The following PLD1 variants were observed in gnomAD, a reference collection of about 807,000 sequenced individuals.
PLD1 encodes phospholipase D1.
In PLD1, 112 loss-of-function variants were observed where a neutral mutation model predicts 137.1. The observed-to-expected ratio is 0.82, with a 90% confidence interval of 0.70 to 0.96. The LOEUF is 0.96. Among genes scored for constraint, PLD1 ranks in the 40% least tolerant of loss-of-function variants. The pLI, the probability that PLD1 is intolerant of heterozygous loss-of-function variation, is 0.00. For missense variants in PLD1, 1,321 were observed against 1,342.0 expected, an observed-to-expected ratio of 0.98 and a Z score of 0.24; for synonymous variants, 431 against 454.7, an observed-to-expected ratio of 0.95 and a Z score of 0.66.
intron 23 of PLD1, among the ~76,000 whole-genome samples, chr3:171,639,844 C>CTATATATATATATA (rs1365797079): frequency 8.8e-6 from 1 of 113,498 alleles, no homozygotes; most frequent in African/African-American, 4.0e-5. Context: ...CTCTCTCTCT[C>CTATATATATATATA]TCTCTATATA....
At chr3:171,683,550 C>A (rs1714228233) in intron 16 of PLD1, among the ~76,000 whole-genome samples, 1 of 151,184 alleles carries the variant, frequency 6.6e-6, no homozygotes, top group Non-Finnish European at 1.5e-5. Context: ...AGTTTCTTAT[C>A]CTCATTCTTC....
intron 1 of PLD1, among the ~76,000 whole-genome samples, chr3:171,744,223 G>A (rs966365452): frequency 2.0e-5 from 3 of 152,196 alleles, no homozygotes; most frequent in African/African-American, 7.2e-5. Flanking sequence ...CAGTCTGACA[G>A]AGGTGAAGAG....
intron 1 of PLD1, among the ~76,000 whole-genome samples, chr3:171,795,440 C>G (rs1723396536): frequency 6.6e-6 from 1 of 152,188 alleles, no homozygotes; most frequent in Non-Finnish European, 1.5e-5. Flanking sequence ...AGCAATGATG[C>G]TCCAATATTG....
rs2108238871 is a variant in PLD1 at position 171,600,718 on chromosome 3, T to C, written c.*2360A>G. On this transcript the variant is annotated 3_prime_UTR_variant, in exon 27 of 27. Transcript: ENST00000351298. ...GAATTTTCCATAAAATCCCTCCAAG[T>C]AAATCTTATCACCCCTTTGCAGATG... is the stretch of plus-strand genomic sequence containing the variant. 6.6e-6 allele frequency: 1 copy of C among 150,792 alleles called. No individual in the cohort carries two copies. Among genetic ancestry groups the C allele is most frequent in the Admixed American group, 6.6e-5 (1 of 15,182 alleles). The allele number at this position is 150,792 out of a possible 1,614,324, so 9.3% of individuals were successfully genotyped here.
chr3:171,608,681 C>T (rs1041773838), intron 25 of PLD1, among the ~76,000 whole-genome samples: 2 of 152,098 alleles, frequency 1.3e-5, no homozygotes, highest in Non-Finnish European at 2.9e-5. Context: ...AGTCCTACTA[C>T]GTATCGTAAG....
chr3:171,662,007 T>G (rs1003169076), intron 20 of PLD1, 53 bp downstream of exon 20: 2 of 976,848 alleles, frequency 2.0e-6, no homozygotes, highest in African/African-American at 3.2e-5. Context: ...AATCTCTGCA[T>G]GATATTTAAG....
At chr3:171,710,240 T>G (rs1264784085) in intron 9 of PLD1, among the ~76,000 whole-genome samples, 2 of 152,038 alleles carry the variant, frequency 1.3e-5, no homozygotes, top group Non-Finnish European at 2.9e-5. Context: ...TTTTTGTATT[T>G]TTAGTAGAGA....
rs199659383 is a variant in PLD1, at chr3:171,737,515, T to C, written c.288+17A>G. The C allele has an allele frequency of 8.2e-6, 13 of 1,594,306 alleles. No individual in the cohort carries two copies. The East Asian group carries it at 1.6e-4, about 19-fold the overall frequency. On this transcript the variant is annotated intron_variant, in intron 3 of 26. Transcript: ENST00000351298. ...TATTGACAAAAGAAAAAAGGGTGAG[T>C]CCATAAACGCTCTGACCCTTGTTGT...
chr3:171,726,021 C>T lies in PLD1; in HGVS notation c.662G>A (p.Gly221Asp). The stretch of plus-strand genomic sequence containing the variant: ...TTTAAGGTTTATTGCAACTTACATG[C>T]CCTTTGGTCCCAAATCATGGATGAA... ...LSFIHDLGPK[G>D]IEGMIMKRSG... is the part of the protein sequence containing the mutation. The change falls in exon 7 of 27, where the codon GGC (glycine) becomes GAC (aspartate). Residue 221 changes from glycine (G) to aspartate (D), a missense_variant. Transcript: ENST00000351298. The T allele has an allele frequency of 6.2e-7, 1 of 1,605,712 alleles. No homozygotes were observed. Among genetic ancestry groups the T allele is most frequent in the Non-Finnish European group, 8.5e-7 (1 of 1,172,450 alleles).
At chr3:171,624,587 AC>A (rs1215357864) in intron 23 of PLD1, among the ~76,000 whole-genome samples, 2 of 152,084 alleles carry the variant, frequency 1.3e-5, no homozygotes, top group African/African-American at 4.8e-5. Flanking sequence ...ATACACAGTT[AC>A]CCATTGTATG....
At chr3:171,700,315 AACAC>A (rs573424146) in intron 11 of PLD1, among the ~76,000 whole-genome samples, 6 of 126,866 alleles carry the variant, frequency 4.7e-5, no homozygotes, top group African/African-American at 8.5e-5. Context: ...CACACACACA[AACAC>A]ACACACACAC....
chr3:171,716,702 C>G (rs6792460), intron 8 of PLD1, among the ~76,000 whole-genome samples: 4,372 of 152,224 alleles, frequency 0.029, 157 homozygotes, highest in African/African-American at 0.084. Flanking sequence ...TGTCTGTCTA[C>G]TCTGTTGATA....
chr3:171,666,823 A>T (rs1375412080), intron 19 of PLD1, among the ~76,000 whole-genome samples: 2 of 152,220 alleles, frequency 1.3e-5, no homozygotes, highest in Non-Finnish European at 2.9e-5. Flanking sequence ...AAAAAATGGC[A>T]TATTTCTGAT....
At chr3:171,611,613 G>A (rs543887304) in intron 25 of PLD1, 16 of 518,660 alleles carry the variant, frequency 3.1e-5, no homozygotes, top group Non-Finnish European at 4.2e-5. Context: ...AGGGATCTTC[G>A]ACACCTGGAG....
intron 6 of PLD1, among the ~76,000 whole-genome samples, chr3:171,727,470 G>A (rs1301845533): frequency 6.6e-6 from 1 of 152,204 alleles, no homozygotes; most frequent in African/African-American, 2.4e-5. Context: ...TTTAGCATAT[G>A]CAGATTTGCA....
rs1731922299 is a variant in PLD1 at position 171,602,854 on chromosome 3, T to C, written c.*224A>G. ...ACAGAGTACATGCTACCAACAAGAA[T>C]GCAGCCCCCTTTTTACAAGTTAGGC... On this transcript the variant is annotated 3_prime_UTR_variant, in exon 27 of 27. Coordinates refer to ENST00000351298, the MANE Select transcript of PLD1 (RefSeq NM_002662.5). 1.8e-6 allele frequency: 1 copy of C among 564,808 alleles called. No individual in the cohort carries two copies. Among genetic ancestry groups the C allele is most frequent in the Non-Finnish European group, 3.2e-6 (1 of 316,770 alleles). The allele number at this position is 564,808 out of a possible 1,614,324, so 35.0% of individuals were successfully genotyped here.
intron 14 of PLD1, 127 bp from the exon 15 acceptor site, chr3:171,687,711 T>G (rs1283437052): frequency 2.9e-5 from 19 of 648,020 alleles, no homozygotes; most frequent in Non-Finnish European, 4.5e-5. Flanking sequence ...CATGCAATAA[T>G]GTCTGAGGTC....
intron 19 of PLD1, 149 bp from the exon 20 acceptor site, chr3:171,662,319 G>T (rs775224078): frequency 5.4e-6 from 3 of 556,914 alleles, no homozygotes; most frequent in Admixed American, 6.1e-5. Flanking sequence ...AGAGTAGTGG[G>T]GTGGGGAATG....
Position 171,620,568 on chromosome 3 carries a change from T to C in PLD1, c.2594-48A>G, listed in dbSNP as rs1333177860. On this transcript the variant is annotated intron_variant, in intron 23 of 26. Transcript: ENST00000351298. Reference sequence around the variant, plus strand: ...TTAAAATTAATATGACCAAGCTCAATAAACGTACATTAAATCTTATTGTTT... The same window carrying C: ...TTAAAATTAATATGACCAAGCTCAACAAACGTACATTAAATCTTATTGTTT... 7 of 1,123,142 alleles carry C rather than the reference T, an allele frequency of 6.2e-6. No individual in the cohort carries two copies. The South Asian group carries it at 9.5e-5, about 15-fold the overall frequency. The allele number at this position is 1,123,142 out of a possible 1,614,324, so 69.6% of individuals were successfully genotyped here. A position where few individuals can be genotyped will look rare whatever the true frequency, so the allele number is the denominator to read the frequency against.
Sources: gnomAD v4.1 joint callset for allele counts (sites outside exome capture counted in the v4.1 genomes callset) on GRCh38, gnomAD v4.1.1 for gene constraint, MANE v1.5 for transcripts, NCBI Gene and HGNC (gene_info 2026-07-23, HGNC 2026-07-21) for gene names.